NR2F1-AS1: variants seen among roughly 807,000 people sequenced by gnomAD.
NR2F1-AS1 encodes NR2F1 antisense RNA 1.
intron 4 of NR2F1-AS1, among the ~76,000 whole-genome samples, chr5:93,451,548 A>G (rs1409847566): frequency 1.3e-5 from 2 of 151,930 alleles, no homozygotes; most frequent in Admixed American, 1.3e-4. Flanking sequence ...GACCACAAGC[A>G]TGTACCACCA....
chr5:93,458,047 C>A (rs778340820), intron 4 of NR2F1-AS1, among the ~76,000 whole-genome samples: 1 of 152,090 alleles, frequency 6.6e-6, no homozygotes, highest in Non-Finnish European at 1.5e-5. Flanking sequence ...AAAGCACCCA[C>A]GTTGGGCACC....
chr5:93,435,893 A>G (rs1165665083), intron 4 of NR2F1-AS1, among the ~76,000 whole-genome samples: 3 of 152,160 alleles, frequency 2.0e-5, no homozygotes, highest in Non-Finnish European at 4.4e-5. Flanking sequence ...CAAACTCCAT[A>G]AAGTGCCTAC....
chr5:93,532,007 G>A (rs1751745826), intron 4 of NR2F1-AS1, among the ~76,000 whole-genome samples: 1 of 152,102 alleles, frequency 6.6e-6, no homozygotes, highest in Non-Finnish European at 1.5e-5. Context: ...CTTCATAAGT[G>A]TGTGTTTTCT....
chr5:93,415,631 CT>C (rs1748952203), intron 4 of NR2F1-AS1, among the ~76,000 whole-genome samples: 1 of 152,146 alleles, frequency 6.6e-6, no homozygotes, highest in Non-Finnish European at 1.5e-5. Flanking sequence ...ACTGACTTAA[CT>C]TTTTTAAATG....
chr5:93,508,293 G>T (rs1459847837), intron 4 of NR2F1-AS1, among the ~76,000 whole-genome samples: 3 of 152,120 alleles, frequency 2.0e-5, no homozygotes, highest in African/African-American at 7.2e-5. Flanking sequence ...AGGGAACCCA[G>T]AAACAGAACC....
intron 4 of NR2F1-AS1, among the ~76,000 whole-genome samples, chr5:93,503,164 A>T (rs1268461042): frequency 6.6e-6 from 1 of 152,212 alleles, no homozygotes; most frequent in African/African-American, 2.4e-5. Context: ...AAAATGAAAT[A>T]AACTAACTTA....
chr5:93,502,452 A>G (rs944558071), intron 4 of NR2F1-AS1, among the ~76,000 whole-genome samples: 4 of 152,194 alleles, frequency 2.6e-5, no homozygotes, highest in Non-Finnish European at 5.9e-5. Flanking sequence ...ATAACAACTT[A>G]AGAACATATA....
intron 4 of NR2F1-AS1, among the ~76,000 whole-genome samples, chr5:93,415,291 T>C (rs1748945955): frequency 6.9e-6 from 1 of 144,630 alleles, no homozygotes; most frequent in Non-Finnish European, 1.5e-5. Context: ...GACTATGTCT[T>C]TTTTGGGGGA....
At chr5:93,547,053 T>C (rs937995354) in intron 4 of NR2F1-AS1, among the ~76,000 whole-genome samples, 4 of 152,212 alleles carry the variant, frequency 2.6e-5, no homozygotes, top group African/African-American at 9.6e-5. Flanking sequence ...GTTTCCAGCC[T>C]GCCAGCCTGC....
rs930811171 is a variant in NR2F1-AS1, at chr5:93,441,316, G to A, written n.639-45774C>T. On this transcript the variant is annotated intron_variant and non_coding_transcript_variant, in intron 4 of 5. Transcript: ENST00000660523. ...CTTCTGGCCTCTGGTTCTGAATTTTGGAAAGAGAAGCTTAGAATGCTGCTA... is the reference window on the plus strand; with the variant it reads ...CTTCTGGCCTCTGGTTCTGAATTTTAGAAAGAGAAGCTTAGAATGCTGCTA... Among the ~76,000 whole-genome samples the A allele has an allele frequency of 3.9e-5, 6 of 152,118 alleles. 1 individual carries two copies. The highest frequency in any genetic ancestry group is 1.4e-4 in the African/African-American group (6 of 41,420).
At chr5:93,564,123 A>C (rs866095847) in intron 1 of NR2F1-AS1, among the ~76,000 whole-genome samples, 46 of 82,666 alleles carry the variant, frequency 5.6e-4, no homozygotes, top group Non-Finnish European at 8.6e-4. Flanking sequence ...AAAAAAAAAA[A>C]AAAAAAAAAA....
intron 4 of NR2F1-AS1, among the ~76,000 whole-genome samples, chr5:93,430,345 G>A (rs968073553): frequency 3.9e-5 from 6 of 152,158 alleles, no homozygotes; most frequent in Non-Finnish European, 2.9e-5. Context: ...TGCACTCTTC[G>A]TGTCGTGGCA....
At chr5:93,575,188 T>C (rs1043316678) in intron 1 of NR2F1-AS1, among the ~76,000 whole-genome samples, 1 of 152,266 alleles carries the variant, frequency 6.6e-6, no homozygotes, top group African/African-American at 2.4e-5. Flanking sequence ...ATGAGAATTT[T>C]ACTTAGAAGA....
At chr5:93,427,905 TGAAAGAGAGA>T (rs1404145314) in intron 4 of NR2F1-AS1, among the ~76,000 whole-genome samples, 2 of 144,976 alleles carry the variant, frequency 1.4e-5, no homozygotes, top group Non-Finnish European at 3.0e-5. Context: ...CATGTGTATG[TGAAAGAGAGA>T]GAAAGAGAGA....
chr5:93,512,807 T>C lies in NR2F1-AS1; in HGVS notation n.638+40954A>G, dbSNP rs183146575. On this transcript the variant is annotated intron_variant and non_coding_transcript_variant, in intron 4 of 5. Coordinates refer to ENST00000660523, the Ensembl canonical transcript of NR2F1-AS1. ...GCTGTTTGTACACTGTACAGGTTTGTAGTCTAGGAGCAACAGGCTAAACCA... is the reference window on the plus strand; with the variant it reads ...GCTGTTTGTACACTGTACAGGTTTGCAGTCTAGGAGCAACAGGCTAAACCA... Among the ~76,000 whole-genome samples the C allele has an allele frequency of 2.4e-3, 359 of 152,326 alleles. 1 individual carries two copies. The highest frequency in any genetic ancestry group is 8.4e-3 in the African/African-American group (348 of 41,580).
exon 1 of NR2F1-AS1, chr5:93,580,535 G>A (rs1753000436): frequency 6.6e-6 from 1 of 152,386 alleles, no homozygotes; most frequent in South Asian, 2.1e-4. Context: ...GTCCGAGGGC[G>A]GCTGGGCCGG....
chr5:93,430,438 T>C (rs897820049), intron 4 of NR2F1-AS1, among the ~76,000 whole-genome samples: 32 of 151,988 alleles, frequency 2.1e-4, no homozygotes, highest in African/African-American at 6.8e-4. Context: ...GCCCCAAGGG[T>C]CCTAAAACTG....
intron 4 of NR2F1-AS1, among the ~76,000 whole-genome samples, chr5:93,549,326 C>T (rs1164813004): frequency 6.6e-6 from 1 of 151,930 alleles, no homozygotes; most frequent in Non-Finnish European, 1.5e-5. Flanking sequence ...CTTATAAAGA[C>T]AATGAAATAG....
intron 2 of NR2F1-AS1, among the ~76,000 whole-genome samples, chr5:93,555,194 T>C (rs1378309707): frequency 6.6e-6 from 1 of 152,178 alleles, no homozygotes; most frequent in Non-Finnish European, 1.5e-5. Flanking sequence ...TTCCAATTTC[T>C]ACAACGCCTA....
Sources: gnomAD v4.1 joint callset for allele counts (sites outside exome capture counted in the v4.1 genomes callset) on GRCh38, gnomAD v4.1.1 for gene constraint, MANE v1.5 for transcripts, NCBI Gene and HGNC (gene_info 2026-07-23, HGNC 2026-07-21) for gene names.